Variants in ANO3 observed in about 807,000 individuals in gnomAD.
ANO3 encodes the protein anoctamin-3.
A neutral mutation model predicts 144.8 loss-of-function variants in ANO3; 99 were observed. The ratio of observed to expected loss-of-function variants is 0.68; its 90% CI spans 0.58 to 0.81. ANO3 has a LOEUF of 0.81. Ranked by LOEUF, ANO3 falls within the 30% of genes least tolerant of loss-of-function variation. The pLI is 0.00. For missense variants in ANO3, 905 were observed against 1,202.2 expected, an observed-to-expected ratio of 0.75 and a Z score of 3.66; for synonymous variants, 414 against 392.6, an observed-to-expected ratio of 1.05 and a Z score of -0.64.
chr11:26,563,739 A>G (rs1032022478), intron 14 of ANO3, among the ~76,000 whole-genome samples: 7 of 151,904 alleles, frequency 4.6e-5, no homozygotes, highest in African/African-American at 1.4e-4. Context: ...AGAAGTCACT[A>G]CAAGGAAAAA....
At chr11:26,579,232 T>C (rs1312965869) in intron 14 of ANO3, among the ~76,000 whole-genome samples, 1 of 152,210 alleles carries the variant, frequency 6.6e-6, no homozygotes, top group African/African-American at 2.4e-5. Context: ...GCATATCTAA[T>C]TTGTTTCTGT....
At chr11:26,245,018 T>TGTGTGTGCACGC (rs151031559) in intron 1 of ANO3, among the ~76,000 whole-genome samples, 2 of 145,324 alleles carry the variant, frequency 1.4e-5, no homozygotes, top group African/African-American at 2.5e-5. Context: ...TGTGTGTGTG[T>TGTGTGTGCACGC]GTGCATGCAT....
intron 1 of ANO3, among the ~76,000 whole-genome samples, chr11:26,365,951 TC>T (rs1260478828): frequency 6.2e-5 from 8 of 129,166 alleles, no homozygotes; most frequent in Admixed American, 2.6e-4. Context: ...AACCATTTTT[TC>T]TTTATATATA....
chr11:26,372,217 C>T (rs898106075), intron 1 of ANO3, among the ~76,000 whole-genome samples: 1 of 152,090 alleles, frequency 6.6e-6, no homozygotes, highest in Non-Finnish European at 1.5e-5. Flanking sequence ...GGAGCTTCCC[C>T]CTTTGCTCAG....
intron 17 of ANO3, among the ~76,000 whole-genome samples, chr11:26,621,660 T>C (rs1254497185): frequency 6.6e-6 from 1 of 152,168 alleles, no homozygotes; most frequent in Non-Finnish European, 1.5e-5. Context: ...GCCATTTATC[T>C]CTACCCACTG....
chr11:26,326,867 T>C (rs1854898616), intron 1 of ANO3, among the ~76,000 whole-genome samples: 1 of 152,174 alleles, frequency 6.6e-6, no homozygotes, highest in Non-Finnish European at 1.5e-5. Flanking sequence ...TTCACCAAAA[T>C]AAGGTAAAGT....
intron 1 of ANO3, among the ~76,000 whole-genome samples, chr11:26,194,448 G>GTGTGTGTGTGTA (rs1554920729): frequency 1.2e-4 from 16 of 136,958 alleles, no homozygotes; most frequent in African/African-American, 3.6e-4. Context: ...TGGTGTGTGT[G>GTGTGTGTGTGTA]TGTGTGTGTG....
chr11:26,233,201 A>C (rs1027245441), intron 1 of ANO3, among the ~76,000 whole-genome samples: 6 of 148,684 alleles, frequency 4.0e-5, no homozygotes, highest in Non-Finnish European at 9.0e-5. Flanking sequence ...TGGGCAACAG[A>C]GCAAGACTCC....
intron 1 of ANO3, among the ~76,000 whole-genome samples, chr11:26,371,572 A>C (rs1388622552): frequency 6.6e-6 from 1 of 152,190 alleles, no homozygotes. Flanking sequence ...AGCCGCAGGC[A>C]CTCAACGCCA....
At chr11:26,189,191 A>G (rs1851429286) in exon 1 of ANO3, 9 of 985,288 alleles carry the variant, frequency 9.1e-6, no homozygotes, top group Non-Finnish European at 1.1e-5. Flanking sequence ...CAGTTTTAAA[A>G]TTTGAACTGG....
intron 1 of ANO3, among the ~76,000 whole-genome samples, chr11:26,383,297 T>A (rs918253166): frequency 6.6e-6 from 1 of 152,184 alleles, no homozygotes; most frequent in South Asian, 2.1e-4. Context: ...TTAATTTTTT[T>A]AACCAATATC....
At chr11:26,206,620 A>AAACATGTACAAGGACAAATTAAT (rs1364273307) in intron 1 of ANO3, among the ~76,000 whole-genome samples, 1 of 152,188 alleles carries the variant, frequency 6.6e-6, no homozygotes, top group Non-Finnish European at 1.5e-5. Context: ...CTGCAGAGAA[A>AAACATGTACAAGGACAAATTAAT]AACATGTACA....
upstream of ANO3, among the ~76,000 whole-genome samples, chr11:26,329,210 A>G (rs1854969085): frequency 6.6e-6 from 1 of 151,874 alleles, no homozygotes; most frequent in Non-Finnish European, 1.5e-5. Context: ...CTTTTACCCC[A>G]ACACAGAATT....
chr11:26,306,159 AG>A (rs1854378076), upstream of ANO3, among the ~76,000 whole-genome samples: 6 of 134,084 alleles, frequency 4.5e-5, no homozygotes, highest in South Asian at 1.4e-3. Context: ...TATTTTTGGT[AG>A]AGACGGGGTT....
At chr11:26,414,707 T>G (rs1473604576) in intron 1 of ANO3, among the ~76,000 whole-genome samples, 1 of 147,690 alleles carries the variant, frequency 6.8e-6, no homozygotes. Context: ...TGTATACATA[T>G]GTAAGAAACC....
At chr11:26,553,227 T>C (rs1247969493) in intron 12 of ANO3, 22 bp from the exon 13 acceptor site, 2 of 1,298,688 alleles carry the variant, frequency 1.5e-6, no homozygotes, top group Non-Finnish European at 2.1e-6. Flanking sequence ...TTGTTTTGTT[T>C]TTGTTTTTGT....
chr11:26,406,858 C>A, intron 1 of ANO3, among the ~76,000 whole-genome samples: 1 of 150,328 alleles, frequency 6.7e-6, no homozygotes, highest in East Asian at 2.0e-4. Context: ...AAAATCAAGG[C>A]TTTATTTAAT....
chr11:26,551,911 G>A (rs1423663415), intron 12 of ANO3, among the ~76,000 whole-genome samples: 1 of 151,954 alleles, frequency 6.6e-6, no homozygotes, highest in Non-Finnish European at 1.5e-5. Flanking sequence ...TATAGTATAT[G>A]TAAGACCCAT....
intron 11 of ANO3, 118 bp from the exon 12 acceptor site, chr11:26,547,298 G>A: frequency 1.0e-6 from 1 of 960,076 alleles, no homozygotes; most frequent in Non-Finnish European, 1.6e-6. Flanking sequence ...ATGGAGCTGA[G>A]GAGGAACTGA....
Sources: gnomAD v4.1 joint callset for allele counts (sites outside exome capture counted in the v4.1 genomes callset) on GRCh38, gnomAD v4.1.1 for gene constraint, MANE v1.5 for transcripts, NCBI Gene and HGNC (gene_info 2026-07-23, HGNC 2026-07-21) for gene names.